The following WHRN variants were observed in gnomAD, a reference collection of about 807,000 sequenced individuals.
The protein encoded by WHRN is CASK-interacting protein CIP98.
WHRN carries 41 observed loss-of-function variants against 68.3 expected under a neutral mutation model. That is an observed-to-expected ratio of 0.60 (90% confidence interval 0.47 to 0.78). The LOEUF (loss-of-function observed/expected upper bound fraction) is 0.78, where lower values mean the gene tolerates loss of function less well. Among genes scored for constraint, WHRN ranks in the 30% least tolerant of loss-of-function variants. WHRN has a pLI of 0.00. For synonymous variants in WHRN, 560 were observed against 561.3 expected (o/e 1.00, Z 0.03); for missense variants, 1,243 against 1,244.7 (o/e 1.00, Z 0.02).
At chr9:114,424,042 C>T (rs1208110940) in intron 6 of WHRN, among the ~76,000 whole-genome samples, 2 of 152,212 alleles carry the variant, frequency 1.3e-5, no homozygotes, top group African/African-American at 2.4e-5. Context: ...GAGGCGTTAA[C>T]CAGCCTGGAA....
intron 2 of WHRN, among the ~76,000 whole-genome samples, chr9:114,472,310 GC>G (rs1165063135): frequency 6.6e-6 from 1 of 152,178 alleles, no homozygotes; most frequent in Non-Finnish European, 1.5e-5. Context: ...CGGCCTGGTT[GC>G]CCATGCCTGC....
chr9:114,487,969 A>G (rs1384883532), intron 1 of WHRN, among the ~76,000 whole-genome samples: 3 of 152,152 alleles, frequency 2.0e-5, no homozygotes, highest in African/African-American at 7.2e-5. Context: ...TCTATCTTCC[A>G]ATCATCTGGG....
intron 3 of WHRN, among the ~76,000 whole-genome samples, chr9:114,451,716 T>C (rs1042166343): frequency 2.6e-5 from 4 of 152,218 alleles, no homozygotes; most frequent in Admixed American, 1.3e-4. Context: ...AGGACCCATC[T>C]AAGTTCTGTA....
At chr9:114,452,786 A>C (rs1338279182) in intron 3 of WHRN, among the ~76,000 whole-genome samples, 1 of 152,108 alleles carries the variant, frequency 6.6e-6, no homozygotes, top group East Asian at 1.9e-4. Flanking sequence ...AGATGGCGGG[A>C]ATCAGTCTAC....
At chr9:114,470,481 T>C (rs1406520565) in intron 2 of WHRN, among the ~76,000 whole-genome samples, 1 of 152,154 alleles carries the variant, frequency 6.6e-6, no homozygotes, top group Non-Finnish European at 1.5e-5. Context: ...GGCTGGGCTA[T>C]GAGCAGGACA....
intron 2 of WHRN, among the ~76,000 whole-genome samples, chr9:114,467,474 G>C (rs886162819): frequency 5.3e-5 from 8 of 151,856 alleles, no homozygotes; most frequent in African/African-American, 9.7e-5. Context: ...GGAGAAAGTG[G>C]CATCTCTGAT....
intron 3 of WHRN, among the ~76,000 whole-genome samples, chr9:114,465,759 C>CTGGAAAATG (rs1208304658): frequency 6.6e-6 from 1 of 152,186 alleles, no homozygotes; most frequent in Non-Finnish European, 1.5e-5. Flanking sequence ...GTTTCCCCAA[C>CTGGAAAATG]TGGAAAATGT....
At chr9:114,496,296 A>T (rs1343715144) in intron 1 of WHRN, among the ~76,000 whole-genome samples, 1 of 152,148 alleles carries the variant, frequency 6.6e-6, no homozygotes, top group Admixed American at 6.5e-5. Context: ...AGATCATCAG[A>T]AGGGACGGTG....
intron 9 of WHRN, 54 bp downstream of exon 9, chr9:114,406,301 C>T (rs1835020283): frequency 6.2e-7 from 1 of 1,610,584 alleles, no homozygotes; most frequent in Non-Finnish European, 8.5e-7. Context: ...GTAGACTGAC[C>T]TGAAGAGGAC....
intron 1 of WHRN, among the ~76,000 whole-genome samples, chr9:114,496,280 C>T (rs548020409): frequency 6.6e-6 from 1 of 152,158 alleles, no homozygotes; most frequent in African/African-American, 2.4e-5. Context: ...TGCTATAAGG[C>T]CTCACAGATC....
rs547196429 is a variant in WHRN at position 114,417,122 on chromosome 9, C to T, written c.1626+6192G>A. Among the ~76,000 whole-genome samples, 18 of 152,324 alleles carry T rather than the reference C, an allele frequency of 1.2e-4. No individual in the cohort carries two copies. In the South Asian group the frequency reaches 3.5e-3, roughly 30 times the overall value. ...CAGCATAAAATGCTCAGGGCTGGCT[C>T]TCTGTTAGACAAATGGAAAATCAAC... On this transcript the variant is annotated intron_variant, in intron 7 of 11. Coordinates refer to ENST00000362057, the MANE Select transcript of WHRN (RefSeq NM_015404.4).
chr9:114,429,397 T>C (rs1483594837), intron 3 of WHRN, among the ~76,000 whole-genome samples: 4 of 152,210 alleles, frequency 2.6e-5, no homozygotes. Context: ...CCGTGCCACA[T>C]GGCCCCACAA....
At chr9:114,492,407 T>C (rs1382329696) in intron 1 of WHRN, among the ~76,000 whole-genome samples, 1 of 152,228 alleles carries the variant, frequency 6.6e-6, no homozygotes, top group Non-Finnish European at 1.5e-5. Flanking sequence ...ATAAATCATG[T>C]ACCTCTTCAC....
At chr9:114,411,935 G>A (rs1368121554) in intron 7 of WHRN, among the ~76,000 whole-genome samples, 1 of 152,196 alleles carries the variant, frequency 6.6e-6, no homozygotes, top group Non-Finnish European at 1.5e-5. Context: ...GCCCCCATGA[G>A]CAACCCTCTT....
chr9:114,425,142 GC>G, intron 4 of WHRN, 118 bp from the exon 5 acceptor site: 1 of 1,006,032 alleles, frequency 9.9e-7, no homozygotes, highest in East Asian at 2.4e-5. Context: ...ATGCATCGTG[GC>G]CTCCACTCGC....
Position 114,422,114 on chromosome 9 carries a change from T to C in WHRN, c.1626+1200A>G, listed in dbSNP as rs537947420. Reference sequence around the variant, plus strand: ...CCATCTGTGTTTATAACCATGGCCATCACTGCACACCTCTGAGCTCCTGCT... The same window carrying C: ...CCATCTGTGTTTATAACCATGGCCACCACTGCACACCTCTGAGCTCCTGCT... On this transcript the variant is annotated intron_variant, in intron 7 of 11. Transcript: ENST00000362057. 4.6e-5 allele frequency among the ~76,000 whole-genome samples: 7 copies of C among 152,310 alleles called. 1 individual carries two copies. The South Asian group carries it at 1.4e-3, about 32-fold the overall frequency.
intron 1 of WHRN, among the ~76,000 whole-genome samples, chr9:114,492,811 C>A (rs1404298832): frequency 6.6e-6 from 1 of 151,794 alleles, no homozygotes; most frequent in Non-Finnish European, 1.5e-5. Context: ...CATGGTGAAA[C>A]CCCACGTCTA....
At chr9:114,444,399 T>C (rs1314369645) in intron 3 of WHRN, among the ~76,000 whole-genome samples, 1 of 152,202 alleles carries the variant, frequency 6.6e-6, no homozygotes, top group Non-Finnish European at 1.5e-5. Flanking sequence ...ATACAGTAAT[T>C]ATTATACTGC....
At chr9:114,466,228 C>G (rs201637274) in intron 3 of WHRN, 39 bp downstream of exon 3, 2 of 1,612,900 alleles carry the variant, frequency 1.2e-6, no homozygotes, top group African/African-American at 1.3e-5. Context: ...GCAAAGAGCT[C>G]CATGCACAGA....
Sources: gnomAD v4.1 joint callset for allele counts (sites outside exome capture counted in the v4.1 genomes callset) on GRCh38, gnomAD v4.1.1 for gene constraint, MANE v1.5 for transcripts, NCBI Gene and HGNC (gene_info 2026-07-23, HGNC 2026-07-21) for gene names.